EXOC4: variants seen among roughly 807,000 people sequenced by gnomAD.
The protein encoded by EXOC4 is exocyst complex component 4.
In EXOC4, 71 loss-of-function variants were observed where a neutral mutation model predicts 107.2. That is an observed-to-expected ratio of 0.66 (90% CI 0.55 to 0.81). The LOEUF (loss-of-function observed/expected upper bound fraction) is 0.81. EXOC4 is among the 30% of genes least tolerant of loss of function. EXOC4 has a pLI of 0.00. For synonymous variants in EXOC4, 456 were observed against 441.2 expected (o/e 1.03, Z -0.42); for missense variants, 1,108 against 1,189.6 (o/e 0.93, Z 1.01).
At chr7:134,004,485 G>T (rs545498030) in intron 15 of EXOC4, among the ~76,000 whole-genome samples, 1 of 152,176 alleles carries the variant, frequency 6.6e-6, no homozygotes, top group East Asian at 1.9e-4. Flanking sequence ...CTATAAACTC[G>T]GCCTCTCATC....
chr7:133,428,691 C>T (rs984421946), intron 7 of EXOC4, among the ~76,000 whole-genome samples: 8 of 152,136 alleles, frequency 5.3e-5, no homozygotes, highest in Non-Finnish European at 8.8e-5. Context: ...GTATAATATT[C>T]GGGTTCCTTC....
chr7:134,076,995 G>GAC, the EXOC4 span, among the ~76,000 whole-genome samples: 33,515 of 151,748 alleles, frequency 0.22, 5,693 homozygotes, highest in African/African-American at 0.48. Context: ...AACAGAGCAA[G>GAC]AGAGAGAGAG....
intron 14 of EXOC4, among the ~76,000 whole-genome samples, chr7:133,951,348 G>A (rs940516757): frequency 6.6e-6 from 1 of 152,176 alleles, no homozygotes; most frequent in Non-Finnish European, 1.5e-5. Context: ...ATCCCTCATA[G>A]GTTATTTGGA....
At chr7:134,011,913 A>G (rs1241352770) in intron 17 of EXOC4, among the ~76,000 whole-genome samples, 1 of 152,124 alleles carries the variant, frequency 6.6e-6, no homozygotes, top group Non-Finnish European at 1.5e-5. Flanking sequence ...GGAAAAACCT[A>G]AAGGAAGAGT....
intron 10 of EXOC4, among the ~76,000 whole-genome samples, chr7:133,655,339 T>C (rs375222541): frequency 6.6e-6 from 1 of 152,248 alleles, no homozygotes; most frequent in South Asian, 2.1e-4. Flanking sequence ...TTCTATGTGG[T>C]GGTTACTGTT....
At chr7:133,505,803 AT>A (rs1254328680) in intron 9 of EXOC4, among the ~76,000 whole-genome samples, 2 of 152,138 alleles carry the variant, frequency 1.3e-5, no homozygotes, top group Admixed American at 1.3e-4. Context: ...AAAAAAAGTT[AT>A]AAATGATTTG....
rs537991039 is a variant in EXOC4 at position 133,319,192 on chromosome 7, G to T, written c.763+1802G>T. 1.7e-4 allele frequency among the ~76,000 whole-genome samples: 26 copies of T among 152,288 alleles called. No individual in the cohort carries two copies. In the East Asian group the frequency reaches 4.2e-3, roughly 25 times the overall value. ...TAATTATTTATGAAGAAATGACAGG[G>T]CAGGCTTTGCAAATGAGTGTTGTAT... is the stretch of plus-strand genomic sequence containing the variant. On this transcript the variant is annotated intron_variant, in intron 5 of 17. Coordinates refer to ENST00000253861, the MANE Select transcript of EXOC4 (RefSeq NM_021807.4).
intron 6 of EXOC4, among the ~76,000 whole-genome samples, chr7:133,361,014 C>T (rs1270927802): frequency 6.6e-6 from 1 of 152,162 alleles, no homozygotes; most frequent in Non-Finnish European, 1.5e-5. Context: ...TTGTTCAGTA[C>T]TGGTGTATCT....
chr7:133,670,345 A>G (rs17659708), intron 10 of EXOC4, among the ~76,000 whole-genome samples: 65,425 of 152,016 alleles, frequency 0.43, 15,005 homozygotes, highest in Admixed American at 0.57. Flanking sequence ...TCAAGTGTCA[A>G]CTCAAATGAT....
intron 10 of EXOC4, among the ~76,000 whole-genome samples, chr7:133,807,469 T>C (rs1797105629): frequency 1.3e-5 from 2 of 152,256 alleles, no homozygotes; most frequent in African/African-American, 4.8e-5. Context: ...AAGGTCAAAC[T>C]GATATGGGGC....
the EXOC4 span, among the ~76,000 whole-genome samples, chr7:134,093,051 A>G: frequency 6.6e-6 from 1 of 152,182 alleles, no homozygotes; most frequent in Non-Finnish European, 1.5e-5. Context: ...CAAAAAGCTA[A>G]CAACTTCACC....
At chr7:133,832,366 T>C (rs1797828642) in intron 11 of EXOC4, among the ~76,000 whole-genome samples, 1 of 152,198 alleles carries the variant, frequency 6.6e-6, no homozygotes, top group South Asian at 2.1e-4. Context: ...GTTCTGTGAG[T>C]TTTGACAATG....
rs1554416770 is a variant in EXOC4, at chr7:133,896,837, G to GTTTTTTTTTTGTTTTTTT, written c.1871+1103_1871+1104insTTTTTTTTTGTTTTTTTT. 3.5e-5 allele frequency among the ~76,000 whole-genome samples: 3 copies of GTTTTTTTTTTGTTTTTTT among 85,690 alleles called. No homozygotes were observed. The African/African-American group carries it at 3.9e-4, about 11-fold the overall frequency. The allele number at this position is 85,690 out of a possible 152,430, so 56.2% of individuals were successfully genotyped here. On this transcript the variant is annotated intron_variant, in intron 12 of 17. Coordinates refer to ENST00000253861, the MANE Select transcript of EXOC4 (RefSeq NM_021807.4). Reference sequence around the variant, plus strand: ...CGCGCCACCATGTCTGGCTATTTTTGTATTTTTAGTAGAGATGGGGTTTCA... The same window carrying GTTTTTTTTTTGTTTTTTT: ...CGCGCCACCATGTCTGGCTATTTTTGTTTTTTTTTTGTTTTTTTTATTTTTAGTAGAGATGGGGTTTCA...
Position 133,376,784 on chromosome 7 carries a change from C to T in EXOC4, c.1182+1782C>T, listed in dbSNP as rs889884057. ...TTCAGCTGTGACCTCAGAAAGGTCA[C>T]ACCTTATGAGTAGGGCTATTCTAGG... On this transcript the variant is annotated intron_variant, in intron 7 of 17. Coordinates refer to ENST00000253861, the MANE Select transcript of EXOC4 (RefSeq NM_021807.4). 9.2e-5 allele frequency among the ~76,000 whole-genome samples: 14 copies of T among 152,120 alleles called. No individual in the cohort carries two copies. In the South Asian group the frequency reaches 2.9e-3, roughly 31 times the overall value.
intron 17 of EXOC4, among the ~76,000 whole-genome samples, chr7:134,032,837 C>T (rs1422371806): frequency 6.6e-6 from 1 of 152,168 alleles, no homozygotes; most frequent in Non-Finnish European, 1.5e-5. Flanking sequence ...AATATTCTGC[C>T]CCTTCCTGAC....
At chr7:133,272,611 T>C (rs2150521628) in intron 1 of EXOC4, among the ~76,000 whole-genome samples, 1 of 152,114 alleles carries the variant, frequency 6.6e-6, no homozygotes, top group South Asian at 2.1e-4. Flanking sequence ...GCTTTAATGG[T>C]TTTGCACTCT....
chr7:133,880,475 T>C (rs1326736024), intron 11 of EXOC4, among the ~76,000 whole-genome samples: 1 of 152,204 alleles, frequency 6.6e-6, no homozygotes, highest in Non-Finnish European at 1.5e-5. Context: ...GATCTATTTC[T>C]ACCCATATGT....
chr7:133,899,762 T>TC (rs1411640139), intron 12 of EXOC4, among the ~76,000 whole-genome samples: 3 of 148,546 alleles, frequency 2.0e-5, no homozygotes, highest in Non-Finnish European at 4.5e-5. Flanking sequence ...TTTTTTTTTT[T>TC]TTTTTTTGAG....
At chr7:133,650,994 A>G (rs1387223851) in intron 10 of EXOC4, among the ~76,000 whole-genome samples, 2 of 136,416 alleles carry the variant, frequency 1.5e-5, no homozygotes, top group East Asian at 4.2e-4. Flanking sequence ...TCCTCAAAGA[A>G]AGAAAGCAGG....
Sources: allele counts gnomAD v4.1 joint callset (sites outside exome capture counted in the v4.1 genomes callset), GRCh38; gene constraint gnomAD v4.1.1; transcripts MANE v1.5; gene names NCBI Gene and HGNC (gene_info 2026-07-23, HGNC 2026-07-21).